Variants in USP47 observed in about 807,000 individuals in gnomAD.
USP47 encodes the protein ubiquitin carboxyl-terminal hydrolase 47.
In USP47, 35 loss-of-function variants were observed where a neutral mutation model predicts 165.1. That is an observed-to-expected ratio of 0.21 (90% confidence interval 0.16 to 0.28). USP47 has a LOEUF of 0.28. USP47 is among the 10% of genes least tolerant of loss of function. The pLI, the probability that USP47 is intolerant of heterozygous loss-of-function variation, is 1.00. For missense variants in USP47, 1,277 were observed against 1,607.4 expected (o/e 0.79, Z 3.52); for synonymous variants, 531 against 544.5 (o/e 0.98, Z 0.35).
chr11:11,886,893 A>G (rs2134346026), intron 3 of USP47, among the ~76,000 whole-genome samples: 1 of 152,264 alleles, frequency 6.6e-6, no homozygotes, highest in Middle Eastern at 3.4e-3. Flanking sequence ...CTCAGTGGAA[A>G]CCCTACAAGC....
chr11:11,891,590 C>A (rs1387838529), intron 3 of USP47, among the ~76,000 whole-genome samples: 3 of 151,998 alleles, frequency 2.0e-5, no homozygotes, highest in East Asian at 3.9e-4. Context: ...CTTTTATGTC[C>A]CTTAATCCTT....
chr11:11,849,494 G>A (rs1054291178), intron 1 of USP47, among the ~76,000 whole-genome samples: 2 of 152,098 alleles, frequency 1.3e-5, no homozygotes, highest in African/African-American at 4.8e-5. Context: ...GAATTAGAAG[G>A]CCCACAATGT....
chr11:11,925,788 G>C (rs1311766461), intron 11 of USP47, among the ~76,000 whole-genome samples: 1 of 152,108 alleles, frequency 6.6e-6, no homozygotes, highest in Non-Finnish European at 1.5e-5. Flanking sequence ...TTGAACAGAA[G>C]TGGTAAGAAT....
intron 13 of USP47, among the ~76,000 whole-genome samples, 179 bp downstream of exon 13, chr11:11,930,299 T>C (rs1328447102): frequency 6.6e-6 from 1 of 152,202 alleles, no homozygotes; most frequent in Non-Finnish European, 1.5e-5. Flanking sequence ...TTTGTTTCTA[T>C]ATTATGTGTT....
intron 8 of USP47, among the ~76,000 whole-genome samples, chr11:11,907,825 G>A (rs1248669272): frequency 1.3e-5 from 2 of 152,156 alleles, no homozygotes; most frequent in Non-Finnish European, 2.9e-5. Flanking sequence ...GCTGGGCATA[G>A]TGGCTCACAC....
Position 11,922,795 on chromosome 11 carries a change from G to C in USP47, c.1290G>C (p.Met430Ile). Reference sequence around the variant, plus strand: ...AAGGTAGTTGTCACAGTGATCAGATGAGCAACGATTTCTCCAATGATGATG... The same window carrying C: ...AAGGTAGTTGTCACAGTGATCAGATCAGCAACGATTTCTCCAATGATGATG... The part of the protein sequence containing the change: ...ENEGSCHSDQ[M>I]SNDFSNDDGV... The change falls in exon 11 of 28, where the codon ATG becomes ATC. Residue 430 changes from methionine (M) to isoleucine (I), a missense_variant. Met to Ile is a conservative substitution (Grantham distance 10). Coordinates refer to ENST00000527733, the MANE Select transcript of USP47 (RefSeq NM_001282659.2). 6.2e-7 allele frequency: 1 copy of C among 1,611,682 alleles called. No individual in the cohort carries two copies. The highest frequency in any genetic ancestry group is 1.3e-5 in the African/African-American group (1 of 74,858).
intron 1 of USP47, among the ~76,000 whole-genome samples, chr11:11,877,425 TTATCTG>T (rs145582825): frequency 0.016 from 2,456 of 152,258 alleles, 59 homozygotes; most frequent in African/African-American, 0.056. Context: ...GCAGAGCTTT[TTATCTG>T]TTTAAATCAT....
Position 11,943,154 on chromosome 11 carries a change from G to A in USP47, c.3091+42G>A, listed in dbSNP as rs776615237. On this transcript the variant is annotated intron_variant, in intron 20 of 27. Transcript: ENST00000527733. ...AAAAACGGTCCTTGAAACAGCATCA[G>A]TTTTTCTCTCAGTTTATTTAAATTT... 6 of 1,547,156 alleles carry A rather than the reference G, an allele frequency of 3.9e-6. No individual in the cohort carries two copies. In the Admixed American group the frequency reaches 8.4e-5, roughly 22 times the overall value.
intron 2 of USP47, among the ~76,000 whole-genome samples, chr11:11,881,642 A>G (rs921168401): frequency 6.6e-6 from 1 of 151,856 alleles, no homozygotes; most frequent in Non-Finnish European, 1.5e-5. Flanking sequence ...TTGACATTTT[A>G]TGGACTTTAG....
At chr11:11,849,365 T>C (rs7931928) in intron 1 of USP47, among the ~76,000 whole-genome samples, 3,402 of 152,336 alleles carry the variant, frequency 0.022, 106 homozygotes, top group East Asian at 0.083. Context: ...AGAGGACATT[T>C]GGCAATGTTG....
intron 11 of USP47, among the ~76,000 whole-genome samples, chr11:11,923,841 A>G (rs1854040094): frequency 6.6e-6 from 1 of 152,264 alleles, no homozygotes; most frequent in Non-Finnish European, 1.5e-5. Context: ...GAATAATGTA[A>G]TAAGTACATT....
At chr11:11,916,342 G>A (rs889413818) in intron 8 of USP47, among the ~76,000 whole-genome samples, 7 of 152,162 alleles carry the variant, frequency 4.6e-5, no homozygotes, top group Non-Finnish European at 4.4e-5. Context: ...GGAGCAGTAA[G>A]ATCTAGAATA....
chr11:11,905,015 A>T (rs971759227), intron 7 of USP47, among the ~76,000 whole-genome samples: 2 of 151,974 alleles, frequency 1.3e-5, no homozygotes, highest in African/African-American at 4.8e-5. Flanking sequence ...GCTTAAAGTG[A>T]TAGGTTAGGA....
chr11:11,930,797 A>G, intron 14 of USP47, 46 bp downstream of exon 14: 1 of 1,511,968 alleles, frequency 6.6e-7, no homozygotes, highest in South Asian at 1.2e-5. Context: ...GTTATAAACT[A>G]ATTTCTTTTG....
chr11:11,922,360 G>C (rs915807234), intron 10 of USP47, among the ~76,000 whole-genome samples: 1 of 151,894 alleles, frequency 6.6e-6, no homozygotes, highest in Non-Finnish European at 1.5e-5. Context: ...CCTGATTTGA[G>C]AACACCAGAA....
chr11:11,938,476 C>A, intron 18 of USP47, 104 bp downstream of exon 18: 1 of 787,472 alleles, frequency 1.3e-6, no homozygotes, highest in Non-Finnish European at 2.0e-6. Context: ...CCTCCAGGAG[C>A]TAATTAATAT....
chr11:11,901,046 G>A (rs1418874339), intron 5 of USP47, among the ~76,000 whole-genome samples: 2 of 152,180 alleles, frequency 1.3e-5, no homozygotes, highest in East Asian at 1.9e-4. Context: ...GAGGATTAAA[G>A]CAGAAGTAAG....
chr11:11,853,792 A>G (rs568807025), intron 1 of USP47, among the ~76,000 whole-genome samples: 28 of 152,294 alleles, frequency 1.8e-4, no homozygotes, highest in East Asian at 1.9e-4. Context: ...ACTGAGATAT[A>G]TGTCTCAAGT....
At chr11:11,930,190 A>G (rs61870734) in intron 13 of USP47, 70 bp downstream of exon 13, 3 of 1,396,338 alleles carry the variant, frequency 2.1e-6, no homozygotes, top group South Asian at 1.2e-5. Flanking sequence ...TTTTTTTATC[A>G]TCAAAGATTT....
Sources: gnomAD v4.1 joint callset for allele counts (sites outside exome capture counted in the v4.1 genomes callset) on GRCh38, gnomAD v4.1.1 for gene constraint, MANE v1.5 for transcripts, NCBI Gene and HGNC (gene_info 2026-07-23, HGNC 2026-07-21) for gene names.